Variants in BRD7 observed in about 807,000 individuals in gnomAD.
BRD7 encodes bromodomain containing 7.
A neutral mutation model predicts 82.1 loss-of-function variants in BRD7; 15 were observed. The observed-to-expected ratio is 0.18, with a 90% CI of 0.12 to 0.28. The LOEUF (loss-of-function observed/expected upper bound fraction) is 0.28, where lower values mean the gene tolerates loss of function less well. BRD7 is among the 10% of genes least tolerant of loss of function. BRD7 has a pLI of 1.00. For missense variants in BRD7, 638 were observed against 779.9 expected (o/e 0.82, Z 2.17); for synonymous variants, 232 against 266.9 (o/e 0.87, Z 1.27).
chr16:50,341,688 G>A (rs1453250600), intron 5 of BRD7, among the ~76,000 whole-genome samples: 1 of 149,816 alleles, frequency 6.7e-6, no homozygotes, highest in Non-Finnish European at 1.5e-5. Flanking sequence ...GGGATGGGAC[G>A]CAAGTGAACG....
chr16:50,320,329 C>T lies in BRD7; in HGVS notation c.1675G>A (p.Ala559Thr), dbSNP rs146033460. Residue 559 changes from alanine to threonine, a missense_variant, in exon 15 of 17, where the codon GCC becomes ACC. Physicochemically the swap from Ala to Thr is moderately conservative, Grantham distance 58 (BLOSUM62 0). This residue lies in a region of BRD7 where 402 missense variants were observed against 500.8 expected (regional missense o/e 0.80). Transcript: ENST00000394688. ...TTRLLRELQE[A>T]QNERLSTRPP... ...CTGGTGCTCAAACGTTCATTCTGGG[C>T]TTCCTGGAGTTCCCTGAGCAATCTG... is the stretch of plus-strand genomic sequence containing the variant. The T allele has an allele frequency of 4.1e-5, 66 of 1,614,160 alleles. No individual in the cohort carries two copies. The African/African-American group carries it at 6.3e-4, about 15-fold the overall frequency.
chr16:50,337,663 A>G (rs1306194400), intron 6 of BRD7, among the ~76,000 whole-genome samples: 1 of 152,228 alleles, frequency 6.6e-6, no homozygotes, highest in African/African-American at 2.4e-5. Context: ...TTCAATGAAC[A>G]TTCAAAAACA....
intron 2 of BRD7, among the ~76,000 whole-genome samples, chr16:50,365,446 T>A (rs991613713): frequency 1.3e-5 from 2 of 152,110 alleles, no homozygotes; most frequent in Non-Finnish European, 2.9e-5. Flanking sequence ...CTCAGCTTTG[T>A]ACAAACTGCA....
chr16:50,340,360 A>C (rs937430734), intron 5 of BRD7, among the ~76,000 whole-genome samples: 16 of 152,316 alleles, frequency 1.1e-4, no homozygotes, highest in African/African-American at 3.4e-4. Context: ...GAAACTTTTA[A>C]ATGGGTTTCT....
chr16:50,335,593 G>A (rs987171577), intron 6 of BRD7, among the ~76,000 whole-genome samples: 1 of 152,232 alleles, frequency 6.6e-6, no homozygotes, highest in South Asian at 2.1e-4. Flanking sequence ...TACCTTGCCT[G>A]TACTCTGAAA....
intron 5 of BRD7, among the ~76,000 whole-genome samples, chr16:50,343,545 C>A (rs1416615925): frequency 2.6e-5 from 4 of 152,190 alleles, no homozygotes; most frequent in Non-Finnish European, 5.9e-5. Flanking sequence ...TGGGGAATTC[C>A]CTTTCCTAGC....
chr16:50,366,783 A>T (rs1030202654), intron 2 of BRD7, among the ~76,000 whole-genome samples: 7 of 152,202 alleles, frequency 4.6e-5, no homozygotes, highest in African/African-American at 1.7e-4. Flanking sequence ...TTTAAAAATC[A>T]TCTTCACGAA....
chr16:50,356,543 T>C (rs1054864987), intron 2 of BRD7, among the ~76,000 whole-genome samples: 11 of 152,118 alleles, frequency 7.2e-5, no homozygotes, highest in Admixed American at 2.6e-4. Context: ...AAGCTATGTA[T>C]GAAAATGTGT....
rs141830004 is a variant in BRD7 at position 50,334,802 on chromosome 16, C to G, written c.796G>C (p.Gly266Arg). Residue 266 changes from glycine to arginine, a missense_variant, in exon 7 of 17, where the codon GGG becomes CGG. By Grantham distance (125) the Gly-to-Arg change is moderately radical. Around this residue, in one of 3 missense-constraint regions of BRD7, gnomAD observed 402 missense variants for 500.8 expected, o/e 0.80. Transcript: ENST00000394688. ...CTCTGCCAGCAGCCTCCGTCCTCCC[C>G]ACTCTGTGAGGTGTCTGTTCCATCT... ...QKDGTDTSQS[G>R]EDGGCWQRER... 1.7e-5 allele frequency: 27 copies of G among 1,614,038 alleles called. No homozygotes were observed. The highest frequency in any genetic ancestry group is 8.3e-5 in the Admixed American group (5 of 60,004).
intron 5 of BRD7, among the ~76,000 whole-genome samples, chr16:50,342,306 G>T (rs552859139): frequency 1.3e-5 from 2 of 152,000 alleles, no homozygotes; most frequent in African/African-American, 4.8e-5. Context: ...TCTATTTCTC[G>T]AAATAAGAGA....
At chr16:50,321,091 A>G (rs1384197680) in intron 13 of BRD7, among the ~76,000 whole-genome samples, 1 of 152,220 alleles carries the variant, frequency 6.6e-6, no homozygotes, top group African/African-American at 2.4e-5. Flanking sequence ...GTTGTTGCTT[A>G]AACTGTGAAG....
intron 5 of BRD7, among the ~76,000 whole-genome samples, chr16:50,343,605 CTAA>C: frequency 6.6e-6 from 1 of 152,320 alleles, no homozygotes; most frequent in Non-Finnish European, 1.5e-5. Flanking sequence ...CACTCCCACC[CTAA>C]TACTGTGCTT....
At chr16:50,342,131 T>C (rs1009969277) in intron 5 of BRD7, among the ~76,000 whole-genome samples, 1 of 152,140 alleles carries the variant, frequency 6.6e-6, no homozygotes, top group African/African-American at 2.4e-5. Flanking sequence ...GACACACTTC[T>C]ACTCTTCTTA....
intron 5 of BRD7, chr16:50,349,234 C>A: frequency 5.2e-6 from 1 of 193,614 alleles, no homozygotes; most frequent in Admixed American, 5.9e-5. Flanking sequence ...CATCACACAC[C>A]GGGGCCTGTT....
intron 8 of BRD7, among the ~76,000 whole-genome samples, chr16:50,331,095 A>G (rs953616429): frequency 3.9e-5 from 6 of 152,208 alleles, no homozygotes; most frequent in African/African-American, 9.6e-5. Flanking sequence ...CAGAAAAAAT[A>G]AAATACCTAA....
rs149216769 is a variant in BRD7, at chr16:50,356,260, T to C, written c.259-1338A>G. ...AATATCTAGCAAAGCTAGCAAAGCC[T>C]TTAACCTACTTCTCAACTGCTACTC... On this transcript the variant is annotated intron_variant, in intron 2 of 16. Coordinates refer to ENST00000394688, the MANE Select transcript of BRD7 (RefSeq NM_013263.5). Among the ~76,000 whole-genome samples, 297 of 152,352 alleles carry C rather than the reference T, an allele frequency of 1.9e-3. 3 individuals are homozygous for C. The highest frequency in any genetic ancestry group is 5.8e-3 in the African/African-American group (242 of 41,584).
intron 5 of BRD7, among the ~76,000 whole-genome samples, chr16:50,341,878 G>A (rs1289446638): frequency 1.3e-5 from 2 of 151,184 alleles, no homozygotes; most frequent in African/African-American, 4.9e-5. Context: ...TTACTGAACT[G>A]TGGGTGATGG....
At chr16:50,341,177 T>TACACACACACACACACACACACACAC (rs57755008) in intron 5 of BRD7, among the ~76,000 whole-genome samples, 1 of 137,216 alleles carries the variant, frequency 7.3e-6, no homozygotes, top group Non-Finnish European at 1.6e-5. Flanking sequence ...AGACCTTAAG[T>TACACACACACACACACACACACACAC]ACACACACAC....
chr16:50,358,953 A>T (rs2038842704), intron 2 of BRD7, among the ~76,000 whole-genome samples: 1 of 152,208 alleles, frequency 6.6e-6, no homozygotes, highest in Non-Finnish European at 1.5e-5. Context: ...TCAGTTTCCC[A>T]TCTGTACAAC....
Sources: gnomAD v4.1 joint callset for allele counts (sites outside exome capture counted in the v4.1 genomes callset) on GRCh38, gnomAD v4.1.1 for gene constraint, gnomAD v4.1.1 regional missense constraint, MANE v1.5 for transcripts, NCBI Gene and HGNC (gene_info 2026-07-23, HGNC 2026-07-21) for gene names.